CYSLTR1: variants seen among roughly 807,000 people sequenced by gnomAD.
The protein encoded by CYSLTR1 is G-protein coupled receptor HG55.
Under a neutral mutation model 2.1 loss-of-function variants are expected in CYSLTR1, and 1 was observed. The observed-to-expected ratio is 0.48, with a 90% CI of 0.17 to 2.28. The LOEUF (loss-of-function observed/expected upper bound fraction) is 2.28. Ranked by LOEUF, CYSLTR1 falls within the 30% of genes most tolerant of loss-of-function variation. The pLI, the probability that CYSLTR1 is intolerant of heterozygous loss-of-function variation, is 0.26. For missense variants in CYSLTR1, 299 were observed against 250.1 expected, an observed-to-expected ratio of 1.20 and a Z score of -1.32; for synonymous variants, 110 against 89.6, an observed-to-expected ratio of 1.23 and a Z score of -1.28.
chrX:78,299,254 G>T (rs1922712110), intron 1 of CYSLTR1, among the ~76,000 whole-genome samples: 2 of 111,464 alleles, frequency 1.8e-5, no homozygotes, highest in Non-Finnish European at 3.8e-5. Context: ...GTCTTGAAAA[G>T]TTGTTGTAGT....
At position 78,317,550 on chromosome X, in the gene CYSLTR1, T is replaced by C. The variant is rs185449523; in HGVS notation, c.-115+9755A>G. Among the ~76,000 whole-genome samples the C allele has an allele frequency of 3.8e-4, 43 of 112,645 alleles. No individual in the cohort carries two copies. In the South Asian group the frequency reaches 8.4e-3, roughly 22 times the overall value. On this transcript the variant is annotated intron_variant, in intron 1 of 2. Transcript: ENST00000373304. ...CACATGCATGTTTATAGTAGCACTA[T>C]TCACACTTGCAAAAATATGGAACCA...
intron 1 of CYSLTR1, among the ~76,000 whole-genome samples, chrX:78,293,297 A>C (rs1044565265): frequency 9.0e-6 from 1 of 111,215 alleles, no homozygotes; most frequent in Non-Finnish European, 1.9e-5. Context: ...AGAATGTTGA[A>C]TATTGGCCCC....
At position 78,271,991 on chromosome X, in the gene CYSLTR1, G is replaced by A; in HGVS notation, c.*742C>T. The A allele has an allele frequency of 8.9e-6, 1 of 111,795 alleles. No individual in the cohort carries two copies. Among genetic ancestry groups the A allele is most frequent in the Non-Finnish European group, 1.9e-5 (1 of 53,149 alleles). The allele number at this position is 111,795 out of a possible 1,213,427, so 9.2% of individuals were successfully genotyped here. On this transcript the variant is annotated 3_prime_UTR_variant, in exon 3 of 3. Coordinates refer to ENST00000373304, the MANE Select transcript of CYSLTR1 (RefSeq NM_006639.4). Reference sequence around the variant, plus strand: ...GGAAGAATTATATGTCATGGATGGAGAGAAATCTCTACAGGAACCTCACTG... The same window carrying A: ...GGAAGAATTATATGTCATGGATGGAAAGAAATCTCTACAGGAACCTCACTG...
At chrX:78,304,188 G>C (rs1386414254) in intron 1 of CYSLTR1, among the ~76,000 whole-genome samples, 1 of 111,987 alleles carries the variant, frequency 8.9e-6, no homozygotes, top group Non-Finnish European at 1.9e-5. Flanking sequence ...CTAAATTTAT[G>C]ATTTAAAGTT....
intron 1 of CYSLTR1, among the ~76,000 whole-genome samples, chrX:78,318,279 G>A (rs958009772): frequency 1.8e-5 from 2 of 112,140 alleles, no homozygotes; most frequent in African/African-American, 6.5e-5. Context: ...GCAAACTAAT[G>A]CAGGAACAGA....
At chrX:78,282,096 CT>C (rs1395894396) in intron 2 of CYSLTR1, among the ~76,000 whole-genome samples, 1 of 111,939 alleles carries the variant, frequency 8.9e-6, no homozygotes, top group Non-Finnish European at 1.9e-5. Context: ...TCCCACCTGG[CT>C]TTTTTCACTG....
In CYSLTR1 at chrX:78,272,747, T is replaced by C; in HGVS notation, c.1000A>G (p.Ile334Val). The change falls in exon 3 of 3, where the codon ATA (isoleucine) becomes GTA (valine). Residue 334 changes from isoleucine to valine, a missense_variant. Coordinates refer to ENST00000373304, the MANE Select transcript of CYSLTR1 (RefSeq NM_006639.4). ...ATGGGTTTAAACTATACTTTACATA[T>C]TTCTTCTCCTTTTTCTGGCAAAGAG... is the stretch of plus-strand genomic sequence containing the variant. ...KASLPEKGEE[I>V]CKV 1 of 1,196,366 alleles carries C rather than the reference T, an allele frequency of 8.4e-7. No individual in the cohort carries two copies. The highest frequency in any genetic ancestry group is 1.1e-6 in the Non-Finnish European group (1 of 888,481).
chrX:78,283,114 T>C (rs1231457054), intron 2 of CYSLTR1, among the ~76,000 whole-genome samples: 1 of 111,876 alleles, frequency 8.9e-6, no homozygotes, highest in Non-Finnish European at 1.9e-5. Flanking sequence ...AAACAGCATT[T>C]AATTTGTTTT....
intron 1 of CYSLTR1, among the ~76,000 whole-genome samples, chrX:78,308,185 C>T (rs192622869): frequency 6.8e-4 from 76 of 111,640 alleles, no homozygotes; most frequent in African/African-American, 9.1e-4. Flanking sequence ...AGTTACATTC[C>T]TCTTAGAAAT....
intron 1 of CYSLTR1, chrX:78,321,044 A>T (rs1210772537): frequency 1.8e-5 from 2 of 110,383 alleles, no homozygotes; most frequent in Non-Finnish European, 1.9e-5. Context: ...TAATTGGGCA[A>T]CTTTGAAGAG....
chrX:78,302,178 C>T (rs1922846245), intron 1 of CYSLTR1, among the ~76,000 whole-genome samples: 1 of 112,085 alleles, frequency 8.9e-6, no homozygotes, highest in South Asian at 3.7e-4. Context: ...AGGAGCCTCA[C>T]CCCATGGTCA....
At chrX:78,323,136 G>T (rs746331799) in intron 1 of CYSLTR1, among the ~76,000 whole-genome samples, 1 of 111,834 alleles carries the variant, frequency 8.9e-6, no homozygotes, top group Non-Finnish European at 1.9e-5. Flanking sequence ...CCCCTAGTTT[G>T]GGTGATAGAA....
chrX:78,292,374 G>A (rs1007281463), intron 1 of CYSLTR1, among the ~76,000 whole-genome samples: 2 of 112,219 alleles, frequency 1.8e-5, no homozygotes, highest in African/African-American at 6.5e-5. Flanking sequence ...TTGCTAAGGA[G>A]TGCTTTACTT....
intron 1 of CYSLTR1, among the ~76,000 whole-genome samples, chrX:78,307,444 G>C (rs1047160966): frequency 2.7e-5 from 3 of 111,699 alleles, no homozygotes; most frequent in Non-Finnish European, 5.6e-5. Flanking sequence ...CATCAGGAGA[G>C]ATATCTCTCC....
chrX:78,278,168 A>G (rs1921682034), intron 2 of CYSLTR1, among the ~76,000 whole-genome samples: 1 of 112,295 alleles, frequency 8.9e-6, no homozygotes, highest in African/African-American at 3.2e-5. Flanking sequence ...CAAGGTGAGG[A>G]AAAAATCTCA....
chrX:78,282,834 C>T (rs977174817), intron 2 of CYSLTR1, among the ~76,000 whole-genome samples: 6 of 112,120 alleles, frequency 5.4e-5, no homozygotes, highest in African/African-American at 1.9e-4. Flanking sequence ...TTGAAAGATG[C>T]TAAATAAAAC....
In CYSLTR1 at chrX:78,273,694, A is replaced by G. The variant is rs1394314561; in HGVS notation, c.53T>C (p.Ile18Thr). ...ATACACTTGATTGCGGAAGTCATCA[A>G]TAGTGTCATGGCATGTGGCAGAAGA... ...TVSSATCHDT[I>T]DDFRNQVYST... is the part of the protein sequence containing the mutation. Residue 18 changes from isoleucine to threonine, a missense_variant, in exon 3 of 3, where the codon ATT becomes ACT. By Grantham distance (89) the Ile-to-Thr change is moderately conservative. Transcript: ENST00000373304. 8.3e-7 allele frequency: 1 copy of G among 1,208,247 alleles called. No individual in the cohort carries two copies. The highest frequency in any genetic ancestry group is 3.0e-5 in the East Asian group (1 of 33,755).
rs888943046 is a variant in CYSLTR1, at chrX:78,272,131, G to C, written c.*602C>G. 1.8e-5 allele frequency: 2 copies of C among 111,507 alleles called. No individual in the cohort carries two copies. Among genetic ancestry groups the C allele is most frequent in the African/African-American group, 6.5e-5 (2 of 30,669 alleles). 9.2% of individuals were successfully genotyped at this position (111,507 alleles called of 1,213,427 possible). A position where few individuals can be genotyped will look rare whatever the true frequency, so the allele number is the denominator to read the frequency against. ...CTGTTGCCATATTGAACATTGTATGGTGCTTTTAGGACCCTTTAGCTGAAT... is the reference window on the plus strand; with the variant it reads ...CTGTTGCCATATTGAACATTGTATGCTGCTTTTAGGACCCTTTAGCTGAAT... On this transcript the variant is annotated 3_prime_UTR_variant, in exon 3 of 3. Coordinates refer to ENST00000373304, the MANE Select transcript of CYSLTR1 (RefSeq NM_006639.4).
At position 78,323,205 on chromosome X, in the gene CYSLTR1, C is replaced by A. The variant is rs1351588223; in HGVS notation, c.-115+4100G>T. On this transcript the variant is annotated intron_variant, in intron 1 of 2. Coordinates refer to ENST00000373304, the MANE Select transcript of CYSLTR1 (RefSeq NM_006639.4). ...TTTTGTAAAGCACTAAGTAGAGGGC[C>A]TTTTTCCAGGAATACCTCTATAACT... 4.5e-5 allele frequency among the ~76,000 whole-genome samples: 5 copies of A among 111,312 alleles called. No homozygotes were observed. In the Admixed American group the frequency reaches 4.8e-4, roughly 11 times the overall value.
Sources: gnomAD v4.1 joint callset for allele counts (sites outside exome capture counted in the v4.1 genomes callset) on GRCh38, gnomAD v4.1.1 for gene constraint, MANE v1.5 for transcripts, NCBI Gene and HGNC (gene_info 2026-07-23, HGNC 2026-07-21) for gene names.